The following WDR47 variants were observed in gnomAD, a reference collection of about 807,000 sequenced individuals.
WDR47 encodes WD repeat domain 47.
In WDR47, 32 loss-of-function variants were observed where a neutral mutation model predicts 97.2. The observed-to-expected ratio is 0.33, with a 90% CI of 0.25 to 0.44. The LOEUF is 0.44. Ranked by LOEUF, WDR47 falls within the 20% of genes least tolerant of loss-of-function variation. The probability of loss-of-function intolerance (pLI) is 1.00; values close to 1 mark genes in which losing one functional copy is unlikely to be tolerated. For missense variants in WDR47, 782 were observed against 1,102.3 expected (o/e 0.71, Z 4.11); for synonymous variants, 375 against 373.5 (o/e 1.00, Z -0.05).
At position 109,038,648 on chromosome 1, in the gene WDR47, C is replaced by T. The variant is rs748681866; in HGVS notation, c.-10+3214G>A. On this transcript the variant is annotated intron_variant, in intron 1 of 14. Coordinates refer to ENST00000369962, the MANE Select transcript of WDR47 (RefSeq NM_001142551.2). ...GGGCTATCATCATGCCACTGTACTGCAGCCTGAACGATAAAGTGAGACCCT... is the reference window on the plus strand; with the variant it reads ...GGGCTATCATCATGCCACTGTACTGTAGCCTGAACGATAAAGTGAGACCCT... Among the ~76,000 whole-genome samples the T allele has an allele frequency of 2.0e-5, 3 of 151,356 alleles. No homozygotes were observed. In the South Asian group the frequency reaches 6.2e-4, roughly 32 times the overall value.
chr1:108,984,746 T>A (rs1295946102), intron 10 of WDR47, among the ~76,000 whole-genome samples: 1 of 151,960 alleles, frequency 6.6e-6, no homozygotes, highest in African/African-American at 2.4e-5. Flanking sequence ...GGCATCGTGG[T>A]GCATGCCTGT....
chr1:109,034,999 T>C (rs1409292913), intron 1 of WDR47, among the ~76,000 whole-genome samples: 3 of 151,388 alleles, frequency 2.0e-5, no homozygotes, highest in Non-Finnish European at 2.9e-5. Context: ...CTCATGCCTA[T>C]AACCCCAGCA....
In WDR47 at chr1:109,031,378, G is replaced by T. The variant is rs1182916556; in HGVS notation, c.-9-7857C>A. 1.4e-5 allele frequency among the ~76,000 whole-genome samples: 2 copies of T among 140,058 alleles called. 1 individual carries two copies. Among genetic ancestry groups the T allele is most frequent in the African/African-American group, 5.1e-5 (2 of 39,080 alleles). 91.9% of individuals were successfully genotyped at this position (140,058 alleles called of 152,430 possible). On this transcript the variant is annotated intron_variant, in intron 1 of 14. Coordinates refer to ENST00000369962, the MANE Select transcript of WDR47 (RefSeq NM_001142551.2). ...AAAAAGAAACTAATATAAACTGTAT[G>T]TTGTATACATGCATAAAATATCTCT...
intron 2 of WDR47, among the ~76,000 whole-genome samples, chr1:109,018,970 G>T (rs1251468030): frequency 6.6e-6 from 1 of 152,110 alleles, no homozygotes; most frequent in African/African-American, 2.4e-5. Context: ...TCAGAAGGCT[G>T]AGGTGGGATA....
chr1:109,007,544 A>ACAGTAACTCTCTCACAG (rs1553232768), intron 5 of WDR47, among the ~76,000 whole-genome samples: 1 of 152,196 alleles, frequency 6.6e-6, no homozygotes, highest in Non-Finnish European at 1.5e-5. Flanking sequence ...TATCCACAGG[A>ACAGTAACTCTCTCACAG]CAGTAACTCT....
chr1:108,971,944 C>T (rs1657486016), intron 14 of WDR47, among the ~76,000 whole-genome samples: 1 of 152,078 alleles, frequency 6.6e-6, no homozygotes. Context: ...TACCTAACTT[C>T]CTAAAAAATT....
intron 3 of WDR47, among the ~76,000 whole-genome samples, chr1:109,015,994 A>C (rs1380557745): frequency 6.6e-6 from 1 of 151,440 alleles, no homozygotes; most frequent in African/African-American, 2.4e-5. Flanking sequence ...AAAAAAAAAA[A>C]AAAAAACCCA....
At chr1:108,980,145 T>A (rs1658232530) in intron 13 of WDR47, among the ~76,000 whole-genome samples, 1 of 152,062 alleles carries the variant, frequency 6.6e-6, no homozygotes, top group South Asian at 2.1e-4. Context: ...GGAAAAACTG[T>A]CTTCCACGAA....
Position 109,027,923 on chromosome 1 carries a change from C to A in WDR47, c.-9-4402G>T, listed in dbSNP as rs558727512. ...TTATCTCAAATAAATAAATAAATAA[C>A]TATTCACCACAAAGTTAGAACTTTT... On this transcript the variant is annotated intron_variant, in intron 1 of 14. Coordinates refer to ENST00000369962, the MANE Select transcript of WDR47 (RefSeq NM_001142551.2). 4.5e-4 allele frequency among the ~76,000 whole-genome samples: 68 copies of A among 152,134 alleles called. 1 individual carries two copies. The highest frequency in any genetic ancestry group is 8.2e-4 in the Non-Finnish European group (56 of 68,014).
intron 9 of WDR47, 150 bp from the exon 10 acceptor site, chr1:108,986,830 T>C (rs1557922159): frequency 3.1e-6 from 2 of 645,968 alleles, no homozygotes; most frequent in Non-Finnish European, 5.0e-6. Flanking sequence ...TTTCTCTATG[T>C]TTTTCTTACT....
At chr1:109,033,237 G>GT (rs1662722206) in intron 1 of WDR47, among the ~76,000 whole-genome samples, 1 of 152,126 alleles carries the variant, frequency 6.6e-6, no homozygotes, top group Admixed American at 6.6e-5. Context: ...AGAGGTGGCA[G>GT]TGAGTCGAGA....
intron 6 of WDR47, 21 bp from the exon 7 acceptor site, chr1:109,002,423 AC>A (rs1359859197): frequency 7.7e-6 from 12 of 1,549,422 alleles, no homozygotes; most frequent in South Asian, 2.4e-5. Flanking sequence ...TTAGAAAAAA[AC>A]ATATATATTT....
intron 5 of WDR47, among the ~76,000 whole-genome samples, chr1:109,009,034 G>A (rs1028305122): frequency 2.6e-5 from 4 of 151,906 alleles, no homozygotes; most frequent in East Asian, 1.9e-4. Context: ...GCAGTGAGCC[G>A]GGATTGTGCC....
At chr1:108,974,852 A>C in intron 13 of WDR47, 98 bp from the exon 14 acceptor site, 1 of 898,986 alleles carries the variant, frequency 1.1e-6, no homozygotes, top group Non-Finnish European at 1.7e-6. Context: ...TAAAGATTTA[A>C]TGTAGTTTAT....
At chr1:109,035,489 C>T (rs1662881636) in intron 1 of WDR47, among the ~76,000 whole-genome samples, 1 of 151,338 alleles carries the variant, frequency 6.6e-6, no homozygotes, top group Non-Finnish European at 1.5e-5. Context: ...CATATGAATA[C>T]AATTTTTAAA....
Position 109,013,882 on chromosome 1 carries a change from A to C in WDR47, c.286T>G (p.Cys96Gly). ...ILKQKFLEAL[C>G]VNNAMSAEDE... ...TCTGCTGACATCGCGTTGTTAACAC[A>C]TAAAGCTTCTAAAAACTTCTGCTTC... The change falls in exon 4 of 15, where the codon TGT (cysteine) becomes GGT (glycine). Residue 96 changes from cysteine to glycine, a missense_variant. This residue lies in a region of WDR47 where 428 missense variants were observed against 584.3 expected (regional missense o/e 0.73). Coordinates refer to ENST00000369962, the MANE Select transcript of WDR47 (RefSeq NM_001142551.2). 5 of 1,613,338 alleles carry C rather than the reference A, an allele frequency of 3.1e-6. No individual in the cohort carries two copies.
rs760240580 is a variant in WDR47 at position 108,982,693 on chromosome 1, T to C, written c.2182A>G (p.Ile728Val). 1.3e-5 allele frequency: 21 copies of C among 1,614,042 alleles called. No homozygotes were observed. The highest frequency in any genetic ancestry group is 1.6e-5 in the Non-Finnish European group (19 of 1,180,018). ...EGPESGGAIL[I>V]SAGAGDCNIY... ...TTACAATCCCCTGCTCCAGCACTTA[T>C]TAAAATAGCTCCTCCGCTTTCTGGG... is the stretch of plus-strand genomic sequence containing the variant. Residue 728 changes from isoleucine (I) to valine (V), a missense_variant, in exon 12 of 15, where the codon ATA becomes GTA. By Grantham distance (29) the Ile-to-Val change is conservative. This residue lies in a region of WDR47 where 228 missense variants were observed against 396.7 expected (regional missense o/e 0.57). Coordinates refer to ENST00000369962, the MANE Select transcript of WDR47 (RefSeq NM_001142551.2).
At position 108,999,182 on chromosome 1, in the gene WDR47, G is replaced by A. The variant is rs540906344; in HGVS notation, c.1433+3042C>T. 5.9e-3 allele frequency among the ~76,000 whole-genome samples: 892 copies of A among 150,662 alleles called. 3 individuals are homozygous for A. Among genetic ancestry groups the A allele is most frequent in the Non-Finnish European group, 9.1e-3 (614 of 67,748 alleles). ...GCAGAGGTTTCAGTGAGCTGAGATC[G>A]CGCCACTGCACTCCAGCCTGGGCAA... On this transcript the variant is annotated intron_variant, in intron 7 of 14. Coordinates refer to ENST00000369962, the MANE Select transcript of WDR47 (RefSeq NM_001142551.2).
intron 1 of WDR47, among the ~76,000 whole-genome samples, chr1:109,027,686 G>A (rs1662308310): frequency 6.6e-6 from 1 of 151,946 alleles, no homozygotes; most frequent in Admixed American, 6.6e-5. Context: ...ACCACGCCCG[G>A]CTAATTTTTG....
Sources: allele counts gnomAD v4.1 joint callset (sites outside exome capture counted in the v4.1 genomes callset), GRCh38; gene constraint gnomAD v4.1.1; regional missense constraint gnomAD v4.1.1; transcripts MANE v1.5; gene names NCBI Gene and HGNC (gene_info 2026-07-23, HGNC 2026-07-21).